The following CEP57L1 variants were observed in gnomAD, a reference collection of about 807,000 sequenced individuals.
The protein encoded by CEP57L1 is centrosomal protein 57 like 1.
In CEP57L1, 37 loss-of-function variants were observed where a neutral mutation model predicts 61.0. The observed-to-expected ratio is 0.61, with a 90% CI of 0.47 to 0.80. CEP57L1 has a LOEUF of 0.80. Ranked by LOEUF, CEP57L1 falls within the 30% of genes least tolerant of loss-of-function variation. CEP57L1 has a pLI of 0.00. For synonymous variants in CEP57L1, 137 were observed against 162.3 expected (o/e 0.84, Z 1.19); for missense variants, 422 against 524.7 (o/e 0.80, Z 1.91).
rs1041326563 is a variant in CEP57L1, at chr6:109,170,172, A to G, written c.*7202A>G. On this transcript the variant is annotated 3_prime_UTR_variant, in exon 11 of 11. Transcript: ENST00000517392. ...GGCCACCAAATATAATCCCATTGTA[A>G]TGGGATTCTACCCACTTGTAGAAGT... Among the ~76,000 whole-genome samples the G allele has an allele frequency of 1.3e-5, 2 of 152,208 alleles. No individual in the cohort carries two copies. The highest frequency in any genetic ancestry group is 2.9e-5 in the Non-Finnish European group (2 of 68,034).
At chr6:109,137,470 T>G (rs1770875573) in intron 1 of CEP57L1, among the ~76,000 whole-genome samples, 2 of 152,010 alleles carry the variant, frequency 1.3e-5, no homozygotes, top group Non-Finnish European at 2.9e-5. Context: ...CCCAGCTAAT[T>G]TTTGTATTTT....
Position 109,165,471 on chromosome 6 carries a change from A to G in CEP57L1, c.*2501A>G, listed in dbSNP as rs964544460. ...TGCATGGGTTGAAGCCTAAAAGCAA[A>G]CACCTAAATATATTATTGGTAAAAG... On this transcript the variant is annotated 3_prime_UTR_variant, in exon 11 of 11. Transcript: ENST00000517392. 6.6e-6 allele frequency among the ~76,000 whole-genome samples: 1 copy of G among 151,986 alleles called. No individual in the cohort carries two copies. The highest frequency in any genetic ancestry group is 2.4e-5 in the African/African-American group (1 of 41,384).
intron 5 of CEP57L1, among the ~76,000 whole-genome samples, chr6:109,154,261 C>T (rs1772984928): frequency 6.6e-6 from 1 of 151,978 alleles, no homozygotes; most frequent in African/African-American, 2.4e-5. Context: ...AAGCCTATAC[C>T]AGTTCCCCTC....
intron 1 of CEP57L1, among the ~76,000 whole-genome samples, chr6:109,114,403 G>T (rs1295250476): frequency 1.3e-5 from 2 of 151,850 alleles, no homozygotes; most frequent in East Asian, 3.8e-4. Flanking sequence ...TTTTAATAGG[G>T]TTGTTTTCTT....
chr6:109,137,246 G>A (rs961414750), intron 1 of CEP57L1, among the ~76,000 whole-genome samples: 1 of 151,910 alleles, frequency 6.6e-6, no homozygotes, highest in African/African-American at 2.4e-5. Context: ...ATAATTTTGT[G>A]TAGTTTAGTA....
At chr6:109,122,853 C>G (rs1199454955) in intron 1 of CEP57L1, among the ~76,000 whole-genome samples, 1 of 152,056 alleles carries the variant, frequency 6.6e-6, no homozygotes, top group Non-Finnish European at 1.5e-5. Context: ...GCCCCTACTA[C>G]CATCCTTCTT....
intron 1 of CEP57L1, among the ~76,000 whole-genome samples, chr6:109,100,840 C>A (rs1215431067): frequency 6.6e-6 from 1 of 151,932 alleles, no homozygotes; most frequent in African/African-American, 2.4e-5. Flanking sequence ...GGCATGGTGG[C>A]TCACACCTGT....
At chr6:109,104,559 G>A (rs1256619812) in intron 1 of CEP57L1, among the ~76,000 whole-genome samples, 4 of 152,056 alleles carry the variant, frequency 2.6e-5, no homozygotes, top group Non-Finnish European at 4.4e-5. Flanking sequence ...ATTGATAGGC[G>A]TGTTTTTTTG....
At position 109,172,480 on chromosome 6, in the gene CEP57L1, C is replaced by T. The variant is rs1241768411; in HGVS notation, c.*9510C>T. ...AAACATTCATATCAGGCAGGATAGT[C>T]CAAGGACTTAGAGGTTATCTTGAAT... On this transcript the variant is annotated 3_prime_UTR_variant, in exon 11 of 11. Transcript: ENST00000517392. Among the ~76,000 whole-genome samples, 1 of 152,156 alleles carries T rather than the reference C, an allele frequency of 6.6e-6. No individual in the cohort carries two copies. The highest frequency in any genetic ancestry group is 1.9e-4 in the East Asian group (1 of 5,194).
At chr6:109,120,239 A>G (rs141831295) in intron 1 of CEP57L1, among the ~76,000 whole-genome samples, 1 of 152,342 alleles carries the variant, frequency 6.6e-6, no homozygotes, top group African/African-American at 2.4e-5. Flanking sequence ...ATACTTCATT[A>G]TCAAATAATC....
Position 109,162,788 on chromosome 6 carries a change from A to G in CEP57L1, c.1201A>G (p.Ser401Gly). ...LQQKVQNSKMSEASGIQQEDS... is the reference protein window; with the variant it reads ...LQQKVQNSKMGEASGIQQEDS... ...GCAAAAAGTTCAAAACTCAAAGATG[A>G]GTGAAGCTTCAGGTATTCAGCAAGA... Residue 401 changes from serine (S) to glycine (G), a missense_variant, in exon 11 of 11, where the codon AGT becomes GGT. By Grantham distance (56) the Ser-to-Gly change is moderately conservative. Transcript: ENST00000517392. 6.2e-7 allele frequency: 1 copy of G among 1,613,308 alleles called. No homozygotes were observed. Among genetic ancestry groups the G allele is most frequent in the Non-Finnish European group, 8.5e-7 (1 of 1,179,532 alleles).
chr6:109,131,482 A>G (rs1774197472), intron 1 of CEP57L1, among the ~76,000 whole-genome samples: 1 of 152,048 alleles, frequency 6.6e-6, no homozygotes, highest in Admixed American at 6.6e-5. Context: ...GCTGGAATGG[A>G]AAGATATAAA....
intron 1 of CEP57L1, among the ~76,000 whole-genome samples, chr6:109,102,985 C>T (rs1255851102): frequency 6.6e-6 from 1 of 152,144 alleles, no homozygotes; most frequent in Non-Finnish European, 1.5e-5. Context: ...GGAAGACTTT[C>T]TACAATTAAG....
chr6:109,157,668 G>A, intron 7 of CEP57L1: 1 of 152,188 alleles, frequency 6.6e-6, no homozygotes, highest in Non-Finnish European at 1.5e-5. Context: ...CATAATGAAA[G>A]TTAAAATGGA....
In CEP57L1 at chr6:109,173,926, G is replaced by A. The variant is rs755114724; in HGVS notation, c.*10956G>A. Among the ~76,000 whole-genome samples, 4 of 144,460 alleles carry A rather than the reference G, an allele frequency of 2.8e-5. No individual in the cohort carries two copies. The highest frequency in any genetic ancestry group is 6.8e-5 in the Admixed American group (1 of 14,756). 94.8% of individuals were successfully genotyped at this position (144,460 alleles called of 152,430 possible). A position where few individuals can be genotyped will look rare whatever the true frequency, so the allele number is the denominator to read the frequency against. ...CCAGCCTCCAACATGGTGAAACCCC[G>A]TCTCTACTAAAAAAAAAAAAAAAAT... On this transcript the variant is annotated 3_prime_UTR_variant, in exon 11 of 11. Transcript: ENST00000517392.
chr6:109,154,712 A>G (rs1773036741), intron 5 of CEP57L1, among the ~76,000 whole-genome samples: 1 of 152,100 alleles, frequency 6.6e-6, no homozygotes, highest in African/African-American at 2.4e-5. Context: ...AAAATCTAAA[A>G]TATCTCTGGT....
chr6:109,159,002 G>A (rs371342668), intron 7 of CEP57L1, 23 bp from the exon 8 acceptor site: 33 of 1,585,678 alleles, frequency 2.1e-5, no homozygotes, highest in Non-Finnish European at 2.6e-5. Context: ...TCTTGTTTAC[G>A]TTTTTTTCTT....
rs1011915113 is a variant in CEP57L1, at chr6:109,173,627, C to T, written c.*10657C>T. Among the ~76,000 whole-genome samples, 2 of 149,968 alleles carry T rather than the reference C, an allele frequency of 1.3e-5. No individual in the cohort carries two copies. The highest frequency in any genetic ancestry group is 2.1e-4 in the South Asian group (1 of 4,772). ...AAAAAAATTTTTTTTTTTGAGGAGA[C>T]GCGGTCTCACTTTGCTGCCCAGGCT... On this transcript the variant is annotated 3_prime_UTR_variant, in exon 11 of 11. Coordinates refer to ENST00000517392, the MANE Select transcript of CEP57L1 (RefSeq NM_001271852.3).
chr6:109,143,362 A>T (rs1023788468), intron 1 of CEP57L1, among the ~76,000 whole-genome samples: 1 of 152,106 alleles, frequency 6.6e-6, no homozygotes, highest in African/African-American at 2.4e-5. Context: ...TCAGTGCTTT[A>T]TATAAATAAG....
Sources: allele counts gnomAD v4.1 joint callset (sites outside exome capture counted in the v4.1 genomes callset), GRCh38; gene constraint gnomAD v4.1.1; transcripts MANE v1.5; gene names NCBI Gene and HGNC (gene_info 2026-07-23, HGNC 2026-07-21).